AARS1: variants seen among roughly 807,000 people sequenced by gnomAD.
AARS1 encodes alanyl-tRNA synthetase 1.
In AARS1, 72 loss-of-function variants were observed where a neutral mutation model predicts 108.9. That is an observed-to-expected ratio of 0.66 (90% CI 0.55 to 0.80). The LOEUF is 0.80. Among genes scored for constraint, AARS1 ranks in the 30% least tolerant of loss-of-function variants. AARS1 has a pLI of 0.00. For missense variants in AARS1, 1,193 were observed against 1,233.2 expected (o/e 0.97, Z 0.49); for synonymous variants, 489 against 465.7 (o/e 1.05, Z -0.64).
chr16:70,255,415 G>T (rs1408089505), intron 16 of AARS1, among the ~76,000 whole-genome samples: 2 of 152,012 alleles, frequency 1.3e-5, no homozygotes, highest in African/African-American at 2.4e-5. Context: ...GGTCAGGCTG[G>T]TCTCGAACTC....
At chr16:70,259,305 G>T in intron 13 of AARS1, 119 bp from the exon 14 acceptor site, 1 of 1,086,564 alleles carries the variant, frequency 9.2e-7, no homozygotes, top group Non-Finnish European at 1.4e-6. Flanking sequence ...CAGAATAAAG[G>T]TTACATTTCC....
At chr16:70,253,458 A>G (rs1453726468) in intron 19 of AARS1, 77 bp from the exon 20 acceptor site, 2 of 1,279,266 alleles carry the variant, frequency 1.6e-6, no homozygotes, top group Non-Finnish European at 2.3e-6. Context: ...AGCCCTCAGA[A>G]GGCCTGCCAC....
rs375106256 is a variant in AARS1 at position 70,270,261 on chromosome 16, G to A, written c.751C>T (p.Leu251=). 1.2e-6 allele frequency: 2 copies of A among 1,614,158 alleles called. No homozygotes were observed. Among genetic ancestry groups the A allele is most frequent in the Non-Finnish European group, 1.7e-6 (2 of 1,180,014 alleles). The change falls in exon 6 of 21, where the codon CTG becomes TTG. Residue 251 remains leucine, a synonymous_variant. Coordinates refer to ENST00000261772, the MANE Select transcript of AARS1 (RefSeq NM_001605.3). ...GMGLERLVSV[L]QNKMSNYDTD... ...TCATAGTTGGACATCTTATTCTGCAGCACAGATACCAGTCGTTCCAGGCCC... is the reference window on the plus strand; with the variant it reads ...TCATAGTTGGACATCTTATTCTGCAACACAGATACCAGTCGTTCCAGGCCC...
At chr16:70,256,594 C>T (rs1959996904) in intron 15 of AARS1, among the ~76,000 whole-genome samples, 1 of 152,140 alleles carries the variant, frequency 6.6e-6, no homozygotes, top group Non-Finnish European at 1.5e-5. Context: ...GGCAACATAC[C>T]CAACCCTTGG....
intron 8 of AARS1, among the ~76,000 whole-genome samples, 161 bp from the exon 9 acceptor site, chr16:70,267,970 C>T (rs1306521870): frequency 1.3e-5 from 2 of 152,176 alleles, no homozygotes; most frequent in Non-Finnish European, 2.9e-5. Context: ...GAGTTCAAGA[C>T]CAGCCTGGGC....
At chr16:70,289,234 G>A (rs1412956685) in intron 1 of AARS1, among the ~76,000 whole-genome samples, 187 bp downstream of exon 1, 1 of 152,048 alleles carries the variant, frequency 6.6e-6, no homozygotes, top group Non-Finnish European at 1.5e-5. Flanking sequence ...CCGAGGCCGC[G>A]ACACTCGCAG....
intron 1 of AARS1, among the ~76,000 whole-genome samples, chr16:70,284,131 C>A (rs138048029): frequency 0.012 from 1,752 of 152,106 alleles, 21 homozygotes; most frequent in Middle Eastern, 0.054. Context: ...GAAACTCTGT[C>A]TCTACTAGAA....
intron 14 of AARS1, 39 bp from the exon 15 acceptor site, chr16:70,258,256 C>T: frequency 2.6e-6 from 4 of 1,557,006 alleles, no homozygotes; most frequent in Non-Finnish European, 3.5e-6. Flanking sequence ...TGGAAGAGAT[C>T]CCTGGAGGTG....
At chr16:70,289,336 G>A (rs1347206389) in intron 1 of AARS1, 85 bp downstream of exon 1, 1 of 354,188 alleles carries the variant, frequency 2.8e-6, no homozygotes, top group Non-Finnish European at 5.6e-6. Context: ...TGATCCTGGG[G>A]CCCACTGCGG....
intron 2 of AARS1, among the ~76,000 whole-genome samples, chr16:70,280,691 G>A (rs188780439): frequency 3.3e-5 from 5 of 152,080 alleles, no homozygotes; most frequent in Admixed American, 1.3e-4. Flanking sequence ...CTTCAGCCAC[G>A]ACCAGCCTGG....
At chr16:70,268,167 CA>C (rs1369026906) in intron 8 of AARS1, 103 bp downstream of exon 8, 1 of 1,124,746 alleles carries the variant, frequency 8.9e-7, no homozygotes, top group Non-Finnish European at 1.3e-6. Flanking sequence ...GACTCCGTCT[CA>C]AAAAACAGCA....
At chr16:70,279,376 A>G (rs1180908654) in intron 2 of AARS1, among the ~76,000 whole-genome samples, 2 of 132,938 alleles carry the variant, frequency 1.5e-5, no homozygotes, top group Admixed American at 7.9e-5. Context: ...AAAAAAAAAA[A>G]GGGCCAGGTG....
chr16:70,275,936 C>CAAAAAAAAAAAAAAAAAAAAAAAA (rs59002209), intron 4 of AARS1: 2 of 37,912 alleles, frequency 5.3e-5, no homozygotes, highest in African/African-American at 2.1e-4. Flanking sequence ...GACTCCATCT[C>CAAAAAAAAAAAAAAAAAAAAAAAA]AAAAAAAAAA....
At chr16:70,254,769 G>A (rs1434027207) in intron 16 of AARS1, 35 bp from the exon 17 acceptor site, 3 of 1,433,008 alleles carry the variant, frequency 2.1e-6, no homozygotes, top group Admixed American at 1.7e-5. Flanking sequence ...CCAAGCAGGA[G>A]GTCTGAGTCA....
At chr16:70,275,834 G>T (rs1960533922) in intron 4 of AARS1, among the ~76,000 whole-genome samples, 1 of 149,570 alleles carries the variant, frequency 6.7e-6, no homozygotes, top group Admixed American at 6.8e-5. Flanking sequence ...CTACTCAGGA[G>T]GCTGAGGAAG....
chr16:70,278,989 G>A (rs927878300), intron 2 of AARS1, among the ~76,000 whole-genome samples: 8 of 152,128 alleles, frequency 5.3e-5, no homozygotes, highest in East Asian at 1.9e-4. Flanking sequence ...TATTGTACGC[G>A]AAGGACACAG....
chr16:70,256,960 C>T (rs1960006415), intron 15 of AARS1, among the ~76,000 whole-genome samples: 1 of 151,312 alleles, frequency 6.6e-6, no homozygotes, highest in Non-Finnish European at 1.5e-5. Context: ...ACTAAAAATA[C>T]AAAATTAGGC....
chr16:70,275,500 C>G (rs969735493), intron 4 of AARS1, among the ~76,000 whole-genome samples: 1 of 149,490 alleles, frequency 6.7e-6, no homozygotes. Flanking sequence ...TGGTTCCTCA[C>G]GCCTGTAATC....
chr16:70,276,641 G>C lies in AARS1; in HGVS notation c.334-10C>G. On this transcript the variant is annotated splice_polypyrimidine_tract_variant and intron_variant, in intron 3 of 20. Transcript: ENST00000261772. ...TCTTACATGCCAATTCCTACAAAAAGAACAGAGAGAAAGATATGGAACATT... is the reference window on the plus strand; with the variant it reads ...TCTTACATGCCAATTCCTACAAAAACAACAGAGAGAAAGATATGGAACATT... 6.2e-7 allele frequency: 1 copy of C among 1,613,666 alleles called. No homozygotes were observed. The highest frequency in any genetic ancestry group is 8.5e-7 in the Non-Finnish European group (1 of 1,180,000).
Sources: allele counts gnomAD v4.1 joint callset (sites outside exome capture counted in the v4.1 genomes callset), GRCh38; gene constraint gnomAD v4.1.1; transcripts MANE v1.5; gene names NCBI Gene and HGNC (gene_info 2026-07-23, HGNC 2026-07-21).